Variants in USH2A observed in about 807,000 individuals in gnomAD.
USH2A encodes the protein usherin.
Under a neutral mutation model 538.9 loss-of-function variants are expected in USH2A, and 443 were observed. That is an observed-to-expected ratio of 0.82 (90% CI 0.76 to 0.89). The LOEUF (loss-of-function observed/expected upper bound fraction) is 0.89. USH2A is among the 40% of genes least tolerant of loss of function. The pLI is 0.00. For missense variants in USH2A, 6,633 were observed against 6,324.8 expected (o/e 1.05, Z -1.65); for synonymous variants, 2,413 against 2,273.5 (o/e 1.06, Z -1.75).
intron 51 of USH2A, 141 bp downstream of exon 51, chr1:215,789,918 C>T (rs184251805): frequency 3.8e-5 from 28 of 742,384 alleles, no homozygotes; most frequent in African/African-American, 3.6e-4. Flanking sequence ...CGAACTCATT[C>T]GGTATTAATA....
chr1:215,996,667 A>G (rs1276045320), intron 34 of USH2A, among the ~76,000 whole-genome samples: 1 of 144,494 alleles, frequency 6.9e-6, no homozygotes, highest in Non-Finnish European at 1.5e-5. Context: ...TATTTAATTC[A>G]TATCAAAAGT....
intron 20 of USH2A, among the ~76,000 whole-genome samples, chr1:216,183,117 A>C (rs1043346753): frequency 1.3e-5 from 2 of 151,984 alleles, no homozygotes; most frequent in Non-Finnish European, 2.9e-5. Flanking sequence ...CATCCAACTC[A>C]TTTTCTTCAA....
rs1037846515 is a variant in USH2A at position 215,628,687 on chromosome 1, C to T, written c.15519+127G>A. ...AGTAACATTAGTAAACCGGTTGTTA[C>T]TACCTCACTGGCTAAGTGCTCAGAG... On this transcript the variant is annotated intron_variant, in intron 71 of 71. Transcript: ENST00000307340. 6.3e-6 allele frequency: 6 copies of T among 946,170 alleles called. No individual in the cohort carries two copies. The African/African-American group carries it at 8.0e-5, about 13-fold the overall frequency. 58.6% of individuals were successfully genotyped at this position (946,170 alleles called of 1,614,324 possible).
At chr1:215,960,167 T>A (rs139115751) in intron 37 of USH2A, among the ~76,000 whole-genome samples, 4 of 152,136 alleles carry the variant, frequency 2.6e-5, no homozygotes, top group African/African-American at 9.6e-5. Context: ...TTTATATTTG[T>A]AGCTGAGAAT....
At position 215,634,494 on chromosome 1, in the gene USH2A, G is replaced by T; in HGVS notation, c.15262C>A (p.Pro5088Thr). Residue 5088 changes from proline to threonine, a missense_variant, in exon 70 of 72, where the codon CCA becomes ACA. Pro to Thr is a conservative substitution (Grantham distance 38). Coordinates refer to ENST00000307340, the MANE Select transcript of USH2A (RefSeq NM_206933.4). ...TCCCCCGGTGGGTAAACATTCAATG[G>T]AGACATCCTCTTCTGAAGAGGTACC... is the stretch of plus-strand genomic sequence containing the variant. ...PLVPLQKRMS[P>T]LNVYPPGENH... 1 of 1,614,200 alleles carries T rather than the reference G, an allele frequency of 6.2e-7. No individual in the cohort carries two copies. Among genetic ancestry groups the T allele is most frequent in the Non-Finnish European group, 8.5e-7 (1 of 1,180,046 alleles).
intron 37 of USH2A, 37 bp from the exon 38 acceptor site, chr1:215,934,832 T>C (rs1666454288): frequency 5.2e-6 from 8 of 1,535,988 alleles, no homozygotes; most frequent in Non-Finnish European, 7.1e-6. Context: ...TAAATACATA[T>C]TTAAGAATTC....
chr1:215,908,523 A>C (rs1665696623), intron 38 of USH2A, among the ~76,000 whole-genome samples: 1 of 151,982 alleles, frequency 6.6e-6, no homozygotes. Context: ...AATGAAGAAA[A>C]CAATGATCCA....
chr1:216,393,435 C>T (rs896639611), intron 3 of USH2A, among the ~76,000 whole-genome samples: 1 of 152,088 alleles, frequency 6.6e-6, no homozygotes, highest in Non-Finnish European at 1.5e-5. Flanking sequence ...GGCTTGTGGT[C>T]GGAACACACA....
rs148957144 is a variant in USH2A, at chr1:216,346,235, T to G, written c.785-18581A>C. Among the ~76,000 whole-genome samples the G allele has an allele frequency of 4.5e-3, 688 of 152,186 alleles. 6 individuals carry two copies. Among genetic ancestry groups the G allele is most frequent in the African/African-American group, 0.015 (634 of 41,558 alleles). On this transcript the variant is annotated intron_variant, in intron 4 of 71. Transcript: ENST00000307340. ...TAAGAGGACTTTTTAAAAACAGCAG[T>G]ACCATTAAAAGTCAGCTTAATTAAA...
intron 37 of USH2A, among the ~76,000 whole-genome samples, chr1:215,950,794 C>A (rs1167442099): frequency 6.6e-6 from 1 of 151,996 alleles, no homozygotes; most frequent in Non-Finnish European, 1.5e-5. Flanking sequence ...AGGCATGAGC[C>A]CCTGCACCTG....
At chr1:215,664,948 T>C (rs1205653917) in intron 64 of USH2A, among the ~76,000 whole-genome samples, 1 of 152,204 alleles carries the variant, frequency 6.6e-6, no homozygotes, top group Admixed American at 6.5e-5. Flanking sequence ...ATAGCAGGCC[T>C]AATTTATATT....
intron 61 of USH2A, among the ~76,000 whole-genome samples, chr1:215,686,479 G>A (rs751321350): frequency 4.3e-4 from 65 of 152,178 alleles, no homozygotes; most frequent in Middle Eastern, 6.8e-3. Context: ...GAAGTGTGAT[G>A]GTTGCAGGGG....
At chr1:216,146,408 G>A (rs947012993) in intron 21 of USH2A, among the ~76,000 whole-genome samples, 2 of 152,160 alleles carry the variant, frequency 1.3e-5, no homozygotes, top group Non-Finnish European at 2.9e-5. Flanking sequence ...TTCCCTTGGT[G>A]TTTAATCATT....
intron 32 of USH2A, among the ~76,000 whole-genome samples, chr1:216,013,892 G>A (rs896789177): frequency 3.3e-5 from 5 of 152,068 alleles, no homozygotes; most frequent in African/African-American, 1.2e-4. Flanking sequence ...TAGAAATTGG[G>A]TATTTTCTTT....
chr1:215,741,666 G>A, intron 59 of USH2A, 129 bp from the exon 60 acceptor site: 1 of 1,030,508 alleles, frequency 9.7e-7, no homozygotes, highest in South Asian at 1.7e-5. Context: ...ACTTGTACAT[G>A]TGTTTTAAAT....
intron 9 of USH2A, among the ~76,000 whole-genome samples, chr1:216,317,858 A>G (rs530300713): frequency 1.3e-5 from 2 of 152,296 alleles, no homozygotes; most frequent in South Asian, 2.1e-4. Flanking sequence ...CTCTCAAAAA[A>G]ATAAATAAAT....
intron 38 of USH2A, among the ~76,000 whole-genome samples, chr1:215,925,467 C>G (rs879387204): frequency 1.3e-5 from 2 of 152,126 alleles, no homozygotes; most frequent in Non-Finnish European, 2.9e-5. Flanking sequence ...TCGAAAGATT[C>G]ATATGAACTG....
At chr1:216,144,333 T>G (rs1173099230) in intron 21 of USH2A, among the ~76,000 whole-genome samples, 1 of 152,000 alleles carries the variant, frequency 6.6e-6, no homozygotes, top group Non-Finnish European at 1.5e-5. Context: ...CATTCTGGAC[T>G]GCAGGGTTTT....
At chr1:215,831,488 G>C (rs559573926) in intron 47 of USH2A, among the ~76,000 whole-genome samples, 2 of 151,964 alleles carry the variant, frequency 1.3e-5, no homozygotes, top group African/African-American at 4.8e-5. Context: ...TAATTTAAAA[G>C]AATTGGAATT....
Sources: gnomAD v4.1 joint callset for allele counts (sites outside exome capture counted in the v4.1 genomes callset) on GRCh38, gnomAD v4.1.1 for gene constraint, MANE v1.5 for transcripts, NCBI Gene and HGNC (gene_info 2026-07-23, HGNC 2026-07-21) for gene names.